TTC27: variants seen among roughly 807,000 people sequenced by gnomAD.
TTC27 encodes tetratricopeptide repeat domain 27.
A neutral mutation model predicts 115.9 loss-of-function variants in TTC27; 79 were observed. The ratio of observed to expected loss-of-function variants is 0.68; its 90% CI spans 0.57 to 0.82. TTC27 has a LOEUF of 0.82. Ranked by LOEUF, TTC27 falls within the 40% of genes least tolerant of loss-of-function variation. The pLI, the probability that TTC27 is intolerant of heterozygous loss-of-function variation, is 0.00. For synonymous variants in TTC27, 401 were observed against 356.0 expected, an observed-to-expected ratio of 1.13 and a Z score of -1.42; for missense variants, 1,054 against 993.1, an observed-to-expected ratio of 1.06 and a Z score of -0.82.
At chr2:32,712,687 A>G (rs1239943284) in intron 10 of TTC27, among the ~76,000 whole-genome samples, 1 of 151,590 alleles carries the variant, frequency 6.6e-6, no homozygotes, top group Non-Finnish European at 1.5e-5. Context: ...CCTCCCAACT[A>G]CAGGTGTGCG....
chr2:32,689,285 A>G (rs1198329281), intron 9 of TTC27, among the ~76,000 whole-genome samples: 1 of 152,140 alleles, frequency 6.6e-6, no homozygotes, highest in Non-Finnish European at 1.5e-5. Context: ...ACAGGTCACA[A>G]TACTGAATAT....
chr2:32,805,193 A>C (rs927306126), intron 16 of TTC27, among the ~76,000 whole-genome samples: 1 of 152,194 alleles, frequency 6.6e-6, no homozygotes, highest in Non-Finnish European at 1.5e-5. Context: ...TCTGTGCTCC[A>C]GTTTGTTCAT....
intron 9 of TTC27, among the ~76,000 whole-genome samples, chr2:32,700,612 A>G (rs574701906): frequency 1.3e-5 from 2 of 152,264 alleles, no homozygotes; most frequent in African/African-American, 4.8e-5. Context: ...ATCTCGGCTC[A>G]CTGCAACCTC....
chr2:32,631,102 A>C (rs1664185030), intron 2 of TTC27, among the ~76,000 whole-genome samples: 2 of 152,266 alleles, frequency 1.3e-5, no homozygotes, highest in South Asian at 4.1e-4. Context: ...TCAGGAGTTT[A>C]AGACCAGCCT....
chr2:32,664,983 C>T (rs1457879171), intron 6 of TTC27, among the ~76,000 whole-genome samples: 1 of 151,996 alleles, frequency 6.6e-6, no homozygotes, highest in Non-Finnish European at 1.5e-5. Flanking sequence ...CGGGTGCCCA[C>T]CACCACGCCT....
intron 10 of TTC27, among the ~76,000 whole-genome samples, chr2:32,709,309 A>G (rs1667495205): frequency 6.6e-6 from 1 of 152,216 alleles, no homozygotes; most frequent in Non-Finnish European, 1.5e-5. Flanking sequence ...TACAGTGGAA[A>G]AAACTAGCAA....
In TTC27 at chr2:32,787,146, T is replaced by C. The variant is rs1308030149; in HGVS notation, c.1995T>C (p.Val665=). ...ACTTACGTGACAAATACAAAGATGT[T>C]CAGGTAGGATATTCCTATTCCGTTA... is the stretch of plus-strand genomic sequence containing the variant. ...LLDLRDKYKD[V]QVLKILVRAV... The change falls in exon 16 of 20, where the codon GTT becomes GTC. Residue 665 remains valine, a synonymous_variant. Transcript: ENST00000317907. 6.2e-7 allele frequency: 1 copy of C among 1,610,964 alleles called. No individual in the cohort carries two copies. Among genetic ancestry groups the C allele is most frequent in the Admixed American group, 1.7e-5 (1 of 59,258 alleles).
chr2:32,717,171 A>G (rs1667781236), intron 10 of TTC27, among the ~76,000 whole-genome samples: 1 of 151,812 alleles, frequency 6.6e-6, no homozygotes, highest in South Asian at 2.1e-4. Flanking sequence ...ACAGGGTCCT[A>G]CTACATTGCC....
chr2:32,689,775 T>C (rs562974802), intron 9 of TTC27, among the ~76,000 whole-genome samples: 48 of 152,296 alleles, frequency 3.2e-4, no homozygotes, highest in African/African-American at 1.2e-3. Flanking sequence ...ATAGCTAGGA[T>C]GAATGTAAAA....
chr2:32,666,676 G>T lies in TTC27; in HGVS notation c.847G>T (p.Ala283Ser). 6.2e-7 allele frequency: 1 copy of T among 1,613,946 alleles called. No homozygotes were observed. Among genetic ancestry groups the T allele is most frequent in the Non-Finnish European group, 8.5e-7 (1 of 1,179,934 alleles). Reference sequence around the variant, plus strand: ...AACACGGTTCCAGGAAAATTATGTGGCACAACTGATTCTAGATGTAAGAAG... The same window carrying T: ...AACACGGTTCCAGGAAAATTATGTGTCACAACTGATTCTAGATGTAAGAAG... ...KRTRFQENYV[A>S]QLILDVRREG... The change falls in exon 7 of 20, where the codon GCA becomes TCA. Residue 283 changes from alanine to serine, a missense_variant. Transcript: ENST00000317907.
At chr2:32,772,449 A>G (rs1669860128) in intron 13 of TTC27, among the ~76,000 whole-genome samples, 1 of 152,204 alleles carries the variant, frequency 6.6e-6, no homozygotes, top group African/African-American at 2.4e-5. Context: ...TGACTTTATG[A>G]TGGTGCAAAA....
At chr2:32,733,959 C>G (rs1668376259) in intron 11 of TTC27, 36 bp downstream of exon 11, 1 of 1,402,388 alleles carries the variant, frequency 7.1e-7, no homozygotes, top group South Asian at 1.2e-5. Context: ...ATGGAAATTA[C>G]TTGGCATTAG....
chr2:32,812,428 T>G (rs1671345581), intron 17 of TTC27, 76 bp from the exon 18 acceptor site: 3 of 1,085,816 alleles, frequency 2.8e-6, no homozygotes, highest in Non-Finnish European at 4.2e-6. Flanking sequence ...ATTAGTTCCA[T>G]ATGACTTCCA....
At chr2:32,717,685 T>G (rs969033321) in intron 10 of TTC27, among the ~76,000 whole-genome samples, 1 of 152,206 alleles carries the variant, frequency 6.6e-6, no homozygotes, top group Non-Finnish European at 1.5e-5. Context: ...GCAAAATCAT[T>G]TTTCTTCAGG....
chr2:32,754,147 CT>C (rs200270813), intron 12 of TTC27, among the ~76,000 whole-genome samples: 28,606 of 142,926 alleles, frequency 0.2, 3,202 homozygotes, highest in South Asian at 0.38. Context: ...ATTCTACATT[CT>C]TTTTTTTTTT....
At chr2:32,744,239 G>A (rs1485708516) in intron 12 of TTC27, among the ~76,000 whole-genome samples, 1 of 152,138 alleles carries the variant, frequency 6.6e-6, no homozygotes, top group Non-Finnish European at 1.5e-5. Flanking sequence ...TTTGTATCTT[G>A]CATAGATTCC....
chr2:32,736,226 T>C (rs1668447967), intron 11 of TTC27, among the ~76,000 whole-genome samples: 1 of 152,150 alleles, frequency 6.6e-6, no homozygotes, highest in Admixed American at 6.5e-5. Context: ...GTGCTTGAAA[T>C]AAATCTAAGT....
At chr2:32,724,475 T>C (rs1668043166) in intron 10 of TTC27, among the ~76,000 whole-genome samples, 1 of 151,834 alleles carries the variant, frequency 6.6e-6, no homozygotes, top group South Asian at 2.1e-4. Flanking sequence ...ACTGAATGCC[T>C]CACCACCACA....
At chr2:32,706,428 G>A (rs909713818) in intron 10 of TTC27, among the ~76,000 whole-genome samples, 1 of 151,650 alleles carries the variant, frequency 6.6e-6, no homozygotes, top group Admixed American at 6.6e-5. Flanking sequence ...TAGCCCATTT[G>A]AATAAGTATT....
Sources: gnomAD v4.1 joint callset for allele counts (sites outside exome capture counted in the v4.1 genomes callset) on GRCh38, gnomAD v4.1.1 for gene constraint, MANE v1.5 for transcripts, NCBI Gene and HGNC (gene_info 2026-07-23, HGNC 2026-07-21) for gene names.